NRG1: variants seen among roughly 807,000 people sequenced by gnomAD.
The protein encoded by NRG1 is pro-neuregulin-1, membrane-bound isoform.
NRG1 carries 18 observed loss-of-function variants against 63.8 expected under a neutral mutation model. The observed-to-expected ratio is 0.28, with a 90% CI of 0.19 to 0.42. NRG1 has a LOEUF of 0.42. Among genes scored for constraint, NRG1 ranks in the 10% least tolerant of loss-of-function variants. The pLI, the probability that NRG1 is intolerant of heterozygous loss-of-function variation, is 1.00. For missense variants in NRG1, 762 were observed against 814.7 expected (o/e 0.94, Z 0.79); for synonymous variants, 302 against 301.3 (o/e 1.00, Z -0.02).
intron 1 of NRG1, among the ~76,000 whole-genome samples, chr8:32,057,710 G>A (rs556939983): frequency 6.6e-6 from 1 of 152,104 alleles, no homozygotes; most frequent in African/African-American, 2.4e-5. Flanking sequence ...CACTTTTCCT[G>A]TGTAAGTATA....
At chr8:31,916,433 C>A (rs1377275413) in intron 1 of NRG1, among the ~76,000 whole-genome samples, 1 of 152,054 alleles carries the variant, frequency 6.6e-6, no homozygotes, top group Non-Finnish European at 1.5e-5. Context: ...CAATTCCCAC[C>A]TATGAGTGAG....
chr8:32,307,586 GGTTTGTGTGT>G (rs368597399), intron 1 of NRG1, among the ~76,000 whole-genome samples: 8,294 of 108,840 alleles, frequency 0.076, 274 homozygotes, highest in Non-Finnish European at 0.1. Context: ...GTCACCCAGG[GGTTTGTGTGT>G]GTGTGTGTGT....
chr8:31,852,560 G>T (rs2129609273), intron 1 of NRG1, among the ~76,000 whole-genome samples: 1 of 151,222 alleles, frequency 6.6e-6, no homozygotes, highest in Non-Finnish European at 1.5e-5. Context: ...TTTGTAGGTT[G>T]CCTGTTCACT....
intron 1 of NRG1, among the ~76,000 whole-genome samples, chr8:32,337,655 A>AAAAAAAAAAAAAAT: frequency 3.4e-5 from 1 of 29,236 alleles, no homozygotes; most frequent in Non-Finnish European, 7.0e-5. Context: ...AGTTATTGCA[A>AAAAAAAAAAAAAAT]AAAAAAAAAA....
At chr8:31,671,027 A>G (rs1160655592) in intron 1 of NRG1, among the ~76,000 whole-genome samples, 3 of 152,148 alleles carry the variant, frequency 2.0e-5, no homozygotes, top group African/African-American at 4.8e-5. Context: ...CTGAATATTT[A>G]GCTCCCACTT....
At chr8:32,691,989 C>T (rs1356376912) in intron 5 of NRG1, among the ~76,000 whole-genome samples, 1 of 152,100 alleles carries the variant, frequency 6.6e-6, no homozygotes, top group Admixed American at 6.5e-5. Context: ...GAACATCCAC[C>T]ATATATATAA....
chr8:32,268,054 TAG>T (rs1851166871), intron 1 of NRG1, among the ~76,000 whole-genome samples: 1 of 152,170 alleles, frequency 6.6e-6, no homozygotes. Context: ...CATGTCTTGC[TAG>T]AGTCTTTTAC....
At chr8:31,914,831 A>G (rs796435866) in intron 1 of NRG1, among the ~76,000 whole-genome samples, 15 of 152,050 alleles carry the variant, frequency 9.9e-5, no homozygotes, top group African/African-American at 3.4e-4. Context: ...TAGTTTAATT[A>G]TTTAACTGAA....
At chr8:31,692,403 T>C (rs1014425731) in intron 1 of NRG1, among the ~76,000 whole-genome samples, 7 of 152,230 alleles carry the variant, frequency 4.6e-5, no homozygotes, top group Admixed American at 4.6e-4. Context: ...CTTGCTATAG[T>C]ATAAAAGAAG....
chr8:32,039,863 A>G, intron 1 of NRG1, among the ~76,000 whole-genome samples: 1 of 146,528 alleles, frequency 6.8e-6, no homozygotes, highest in Admixed American at 6.8e-5. Context: ...TACAAAATAG[A>G]AAAAAAAAAA....
intron 1 of NRG1, among the ~76,000 whole-genome samples, chr8:31,962,857 T>C (rs181822449): frequency 7.2e-5 from 11 of 152,302 alleles, no homozygotes; most frequent in Admixed American, 2.0e-4. Context: ...TAAAATGAGA[T>C]GACATACTAG....
At chr8:32,657,559 T>A (rs1282296028) in intron 5 of NRG1, among the ~76,000 whole-genome samples, 3 of 152,190 alleles carry the variant, frequency 2.0e-5, no homozygotes, top group African/African-American at 7.2e-5. Flanking sequence ...CTGATGACTT[T>A]CAGTGTTGCC....
intron 1 of NRG1, among the ~76,000 whole-genome samples, chr8:31,824,922 A>G (rs1824387144): frequency 6.6e-6 from 1 of 152,248 alleles, no homozygotes; most frequent in Non-Finnish European, 1.5e-5. Flanking sequence ...AGTGAGGAAG[A>G]AAAATAACCA....
chr8:31,800,435 T>G (rs1821650509), intron 1 of NRG1, among the ~76,000 whole-genome samples: 1 of 152,196 alleles, frequency 6.6e-6, no homozygotes, highest in Non-Finnish European at 1.5e-5. Flanking sequence ...GCTTGAGTGT[T>G]TTTAAAGCAT....
At chr8:32,023,929 A>T (rs1816838322) in intron 1 of NRG1, among the ~76,000 whole-genome samples, 1 of 152,188 alleles carries the variant, frequency 6.6e-6, no homozygotes, top group African/African-American at 2.4e-5. Flanking sequence ...TTGCATTGGA[A>T]TACCGCTGGG....
intron 1 of NRG1, among the ~76,000 whole-genome samples, chr8:31,706,392 A>AT (rs11428100): frequency 0.22 from 33,817 of 151,928 alleles, 4,787 homozygotes; most frequent in East Asian, 0.67. Context: ...ACATTTCTTA[A>AT]TTTTTTTATA....
In NRG1 at chr8:32,330,626, TGGGGTTGACCCCA is replaced by T. The variant is rs1296933072; in HGVS notation, c.38-265199_38-265187del. Among the ~76,000 whole-genome samples, 4 of 152,326 alleles carry T rather than the reference TGGGGTTGACCCCA, an allele frequency of 2.6e-5. No homozygotes were observed. The East Asian group carries it at 7.7e-4, about 29-fold the overall frequency. ...TTCATAAGTCACTTTGTCCAGTCAT[TGGGGTTGACCCCA>T]GGAAAAGGTATGGTTTGGGGTAAGA... On this transcript the variant is annotated intron_variant, in intron 1 of 10. Transcript: ENST00000519301.
intron 1 of NRG1, among the ~76,000 whole-genome samples, chr8:32,468,738 T>C (rs887526124): frequency 7.1e-6 from 1 of 140,866 alleles, no homozygotes; most frequent in Non-Finnish European, 1.6e-5. Context: ...TTTTTTTTTT[T>C]CAGCAAGAAG....
At chr8:32,483,178 T>A (rs1454112839) in intron 1 of NRG1, among the ~76,000 whole-genome samples, 1 of 152,230 alleles carries the variant, frequency 6.6e-6, no homozygotes, top group Non-Finnish European at 1.5e-5. Context: ...GATTTTCTAG[T>A]TCTTATAGTT....
Sources: gnomAD v4.1 joint callset for allele counts (sites outside exome capture counted in the v4.1 genomes callset) on GRCh38, gnomAD v4.1.1 for gene constraint, MANE v1.5 for transcripts, NCBI Gene and HGNC (gene_info 2026-07-23, HGNC 2026-07-21) for gene names.